Variants in CERS6 observed in about 807,000 individuals in gnomAD.
CERS6 encodes the protein LAG1 homolog, ceramide synthase 6.
In CERS6, 26 loss-of-function variants were observed where a neutral mutation model predicts 56.8. That is an observed-to-expected ratio of 0.46 (90% confidence interval 0.34 to 0.63). The LOEUF (loss-of-function observed/expected upper bound fraction) is 0.63. Ranked by LOEUF, CERS6 falls within the 30% of genes least tolerant of loss-of-function variation. The probability of loss-of-function intolerance (pLI) is 0.01; values close to 1 mark genes in which losing one functional copy is unlikely to be tolerated. For synonymous variants in CERS6, 164 were observed against 173.3 expected, an observed-to-expected ratio of 0.95 and a Z score of 0.42; for missense variants, 415 against 467.5, an observed-to-expected ratio of 0.89 and a Z score of 1.04.
In CERS6 at chr2:168,773,487, C is replaced by T. The variant is rs986458509; in HGVS notation, c.*3825C>T. The T allele has an allele frequency of 3.3e-5, 5 of 152,066 alleles. No homozygotes were observed. Among genetic ancestry groups the T allele is most frequent in the Admixed American group, 1.3e-4 (2 of 15,262 alleles). 9.4% of individuals were successfully genotyped at this position (152,066 alleles called of 1,614,324 possible). A position where few individuals can be genotyped will look rare whatever the true frequency, so the allele number is the denominator to read the frequency against. Reference sequence around the variant, plus strand: ...AATAATAGCCCTGAGATGTTTCTAACATTTAAATAAGAAAAAAATCAAATC... The same window carrying T: ...AATAATAGCCCTGAGATGTTTCTAATATTTAAATAAGAAAAAAATCAAATC... On this transcript the variant is annotated 3_prime_UTR_variant, in exon 10 of 10. Transcript: ENST00000305747.
At chr2:168,592,802 C>T (rs1044405012) in intron 3 of CERS6, among the ~76,000 whole-genome samples, 1 of 152,132 alleles carries the variant, frequency 6.6e-6, no homozygotes, top group African/African-American at 2.4e-5. Context: ...GAAAGTGGCC[C>T]TTTTTGGGTG....
chr2:168,601,713 C>T (rs1281856483), intron 3 of CERS6, among the ~76,000 whole-genome samples: 1 of 152,024 alleles, frequency 6.6e-6, no homozygotes, highest in South Asian at 2.1e-4. Flanking sequence ...CCATGCCTGG[C>T]TAATTTTTGT....
rs568265801 is a variant in CERS6 at position 168,492,787 on chromosome 2, G to A, written c.170+36169G>A. On this transcript the variant is annotated intron_variant, in intron 1 of 9. Coordinates refer to ENST00000305747, the MANE Select transcript of CERS6 (RefSeq NM_203463.3). ...TTTTCTAGTTTCTTTTATTGGGAGA[G>A]GAATATGTAGTTAAAATTATTTTGT... 2.6e-5 allele frequency among the ~76,000 whole-genome samples: 4 copies of A among 152,124 alleles called. No homozygotes were observed. In the South Asian group the frequency reaches 8.3e-4, roughly 32 times the overall value.
At chr2:168,741,466 A>G (rs1183634493) in intron 8 of CERS6, among the ~76,000 whole-genome samples, 1 of 152,200 alleles carries the variant, frequency 6.6e-6, no homozygotes, top group East Asian at 1.9e-4. Context: ...CCGCTTTGAA[A>G]GAAGAGTTGT....
chr2:168,643,665 C>T (rs6433084), intron 4 of CERS6, among the ~76,000 whole-genome samples: 42,571 of 151,996 alleles, frequency 0.28, 6,778 homozygotes, highest in South Asian at 0.43. Context: ...AGGGAGAATT[C>T]CTTTCCTTGC....
At chr2:168,602,111 TAGA>T (rs1210280957) in intron 3 of CERS6, among the ~76,000 whole-genome samples, 3 of 152,204 alleles carry the variant, frequency 2.0e-5, no homozygotes, top group Non-Finnish European at 4.4e-5. Context: ...TCAGCAGTAA[TAGA>T]AGAAGTGAGG....
chr2:168,732,265 C>A (rs1451137759), intron 8 of CERS6, among the ~76,000 whole-genome samples: 1 of 152,184 alleles, frequency 6.6e-6, no homozygotes, highest in Non-Finnish European at 1.5e-5. Context: ...TCATTCCTTT[C>A]CTTGTCACGT....
intron 3 of CERS6, among the ~76,000 whole-genome samples, chr2:168,572,741 A>G (rs1696013545): frequency 6.6e-6 from 1 of 152,060 alleles, no homozygotes; most frequent in Non-Finnish European, 1.5e-5. Context: ...GTTCTCTACT[A>G]GAGCACTTGG....
chr2:168,508,779 G>A (rs1242937406), intron 1 of CERS6, among the ~76,000 whole-genome samples: 1 of 152,120 alleles, frequency 6.6e-6, no homozygotes, highest in African/African-American at 2.4e-5. Flanking sequence ...GTTGATGGGT[G>A]CAGCAAACCA....
At chr2:168,461,209 A>G (rs749499350) in intron 1 of CERS6, among the ~76,000 whole-genome samples, 7 of 152,206 alleles carry the variant, frequency 4.6e-5, no homozygotes, top group Non-Finnish European at 1.0e-4. Context: ...TGGTTTTCTC[A>G]TGCAATCAGT....
At chr2:168,497,729 A>G (rs1402500603) in intron 1 of CERS6, among the ~76,000 whole-genome samples, 3 of 152,190 alleles carry the variant, frequency 2.0e-5, no homozygotes, top group Non-Finnish European at 4.4e-5. Flanking sequence ...AGCCCTGGGA[A>G]GCCCCTGGCT....
chr2:168,608,441 G>A (rs1264771985), intron 3 of CERS6, among the ~76,000 whole-genome samples: 1 of 152,112 alleles, frequency 6.6e-6, no homozygotes, highest in East Asian at 1.9e-4. Context: ...TATGAAATAT[G>A]AACATGAATA....
chr2:168,561,411 G>T, intron 3 of CERS6, 89 bp downstream of exon 3: 2 of 1,444,744 alleles, frequency 1.4e-6, no homozygotes, highest in Non-Finnish European at 9.4e-7. Context: ...GCAGGCTTCA[G>T]CAGCCCTTAA....
chr2:168,646,650 C>G (rs1286402061), intron 4 of CERS6, among the ~76,000 whole-genome samples: 7 of 152,142 alleles, frequency 4.6e-5, no homozygotes, highest in Non-Finnish European at 8.8e-5. Context: ...ACGTTGTTTT[C>G]CAGGGTTTTT....
At chr2:168,740,340 A>G (rs764817798) in intron 8 of CERS6, among the ~76,000 whole-genome samples, 37 of 152,250 alleles carry the variant, frequency 2.4e-4, no homozygotes, top group Non-Finnish European at 2.5e-4. Flanking sequence ...AGAAAATATT[A>G]AGGCCATTCT....
At chr2:168,605,401 T>C (rs1684029562) in intron 3 of CERS6, among the ~76,000 whole-genome samples, 1 of 152,124 alleles carries the variant, frequency 6.6e-6, no homozygotes, top group Non-Finnish European at 1.5e-5. Flanking sequence ...GGAACTTACG[T>C]AATATTTAAA....
At chr2:168,566,274 A>G (rs1009134174) in intron 3 of CERS6, among the ~76,000 whole-genome samples, 7 of 152,178 alleles carry the variant, frequency 4.6e-5, no homozygotes, top group African/African-American at 1.2e-4. Context: ...CTTACTCCCT[A>G]TGCTGCTGAA....
intron 3 of CERS6, among the ~76,000 whole-genome samples, chr2:168,628,384 A>G (rs1445827196): frequency 2.0e-5 from 3 of 152,182 alleles, no homozygotes; most frequent in Non-Finnish European, 1.5e-5. Context: ...TGATGTCTAT[A>G]GACTTGGCCC....
chr2:168,617,534 A>C (rs1684346604), intron 3 of CERS6, among the ~76,000 whole-genome samples: 1 of 152,232 alleles, frequency 6.6e-6, no homozygotes, highest in Non-Finnish European at 1.5e-5. Context: ...GTTCAATTAG[A>C]AATGAAACAG....
Sources: gnomAD v4.1 joint callset for allele counts (sites outside exome capture counted in the v4.1 genomes callset) on GRCh38, gnomAD v4.1.1 for gene constraint, MANE v1.5 for transcripts, NCBI Gene and HGNC (gene_info 2026-07-23, HGNC 2026-07-21) for gene names.